MAST4: variants seen among roughly 807,000 people sequenced by gnomAD.
MAST4 encodes the protein microtubule associated serine/threonine kinase family member 4.
In MAST4, 89 loss-of-function variants were observed where a neutral mutation model predicts 162.7. That is an observed-to-expected ratio of 0.55 (90% confidence interval 0.46 to 0.65). The LOEUF is 0.65. Ranked by LOEUF, MAST4 falls within the 30% of genes least tolerant of loss-of-function variation. The probability of loss-of-function intolerance (pLI) is 0.00; values close to 1 mark genes in which losing one functional copy is unlikely to be tolerated. For missense variants in MAST4, 3,153 were observed against 3,374.0 expected, an observed-to-expected ratio of 0.93 and a Z score of 1.62; for synonymous variants, 1,479 against 1,361.1, an observed-to-expected ratio of 1.09 and a Z score of -1.91.
chr5:66,992,311 C>A (rs910288924), intron 4 of MAST4, among the ~76,000 whole-genome samples: 1 of 152,148 alleles, frequency 6.6e-6, no homozygotes, highest in African/African-American at 2.4e-5. Context: ...GAGATAGTGT[C>A]TATATCAAGA....
intron 2 of MAST4, among the ~76,000 whole-genome samples, chr5:66,762,993 A>G (rs1328243453): frequency 6.6e-6 from 1 of 152,226 alleles, no homozygotes; most frequent in Non-Finnish European, 1.5e-5. Flanking sequence ...TTAGGGAATT[A>G]TATTTACTGG....
At chr5:67,090,936 C>T (rs1054424041) in intron 6 of MAST4, among the ~76,000 whole-genome samples, 2 of 152,028 alleles carry the variant, frequency 1.3e-5, no homozygotes, top group African/African-American at 2.4e-5. Context: ...ATCCCTCTCA[C>T]ATGCATAGCT....
intron 3 of MAST4, among the ~76,000 whole-genome samples, chr5:66,835,316 G>T (rs1381824892): frequency 6.6e-6 from 1 of 152,120 alleles, no homozygotes; most frequent in Non-Finnish European, 1.5e-5. Context: ...TGAGAGCTGT[G>T]ACCTATCCTG....
intron 3 of MAST4, among the ~76,000 whole-genome samples, chr5:66,845,261 C>T (rs1161112060): frequency 6.6e-6 from 1 of 151,530 alleles, no homozygotes; most frequent in Non-Finnish European, 1.5e-5. Flanking sequence ...AATGCTATCC[C>T]TCACCCATCC....
chr5:67,168,358 G>A lies in MAST4; in HGVS notation c.*1307G>A, dbSNP rs1774277260. The A allele has an allele frequency of 6.6e-6, 1 of 152,098 alleles. No homozygotes were observed. Among genetic ancestry groups the A allele is most frequent in the Admixed American group, 6.6e-5 (1 of 15,260 alleles). The allele number at this position is 152,098 out of a possible 1,614,324, so 9.4% of individuals were successfully genotyped here. On this transcript the variant is annotated 3_prime_UTR_variant, in exon 29 of 29. Transcript: ENST00000403625. Reference sequence around the variant, plus strand: ...AAAAATACTGTCTTAATACAGAGCAGCATTTTTGTAACAAAGAGACTCGCT... The same window carrying A: ...AAAAATACTGTCTTAATACAGAGCAACATTTTTGTAACAAAGAGACTCGCT...
At chr5:66,879,398 T>C (rs1444081270) in intron 3 of MAST4, among the ~76,000 whole-genome samples, 1 of 151,948 alleles carries the variant, frequency 6.6e-6, no homozygotes, top group East Asian at 1.9e-4. Context: ...AAATTACCTA[T>C]TGGGTTGGCA....
At chr5:66,817,290 G>A (rs1312711740) in intron 3 of MAST4, among the ~76,000 whole-genome samples, 1 of 152,168 alleles carries the variant, frequency 6.6e-6, no homozygotes. Context: ...ATGTACTTCT[G>A]ACTCAGGGCA....
At chr5:67,005,011 CA>C (rs1234309150) in intron 4 of MAST4, 2 of 774,248 alleles carry the variant, frequency 2.6e-6, no homozygotes, top group East Asian at 2.4e-5. Context: ...TGTCTGACCC[CA>C]ATTTTTGGAC....
intron 5 of MAST4, among the ~76,000 whole-genome samples, chr5:67,080,770 G>T (rs1028706510): frequency 2.0e-5 from 3 of 150,474 alleles, no homozygotes; most frequent in African/African-American, 7.3e-5. Flanking sequence ...CGTATAATAG[G>T]CATTCTGCCT....
intron 4 of MAST4, among the ~76,000 whole-genome samples, chr5:66,925,225 C>T (rs1764810992): frequency 6.6e-6 from 1 of 152,144 alleles, no homozygotes; most frequent in Non-Finnish European, 1.5e-5. Flanking sequence ...TTTGCTGCAT[C>T]TTGAAACAGA....
At chr5:66,717,914 CG>C (rs1480375531) in intron 1 of MAST4, among the ~76,000 whole-genome samples, 2 of 152,154 alleles carry the variant, frequency 1.3e-5, no homozygotes, top group East Asian at 3.9e-4. Context: ...GGAAGGAGGC[CG>C]TGGGACCGCT....
chr5:66,815,211 ACTT>A (rs1469987018), intron 3 of MAST4, among the ~76,000 whole-genome samples: 2 of 152,242 alleles, frequency 1.3e-5, no homozygotes, highest in African/African-American at 4.8e-5. Context: ...GTTTAAAAAT[ACTT>A]CTTTAGAAGC....
chr5:66,952,240 T>A (rs1343951071), intron 4 of MAST4, among the ~76,000 whole-genome samples: 2 of 152,142 alleles, frequency 1.3e-5, no homozygotes, highest in Non-Finnish European at 2.9e-5. Context: ...GTTTCCACCC[T>A]GATCTTTTCT....
intron 1 of MAST4, among the ~76,000 whole-genome samples, chr5:66,615,610 T>G (rs530578168): frequency 2.0e-5 from 3 of 150,396 alleles, no homozygotes; most frequent in African/African-American, 7.4e-5. Context: ...AGGCCAGGAG[T>G]TCAAGACCAG....
At chr5:67,091,126 G>A (rs765564128) in intron 6 of MAST4, among the ~76,000 whole-genome samples, 2 of 152,000 alleles carry the variant, frequency 1.3e-5, no homozygotes, top group African/African-American at 2.4e-5. Context: ...AGACATATAG[G>A]TAGGTTAAAA....
chr5:66,935,674 C>CTT (rs113432423), intron 4 of MAST4, among the ~76,000 whole-genome samples: 1,483 of 132,642 alleles, frequency 0.011, 24 homozygotes, highest in African/African-American at 0.036. Flanking sequence ...TTCTTTCTTT[C>CTT]TTTTTTTTTT....
rs898186565 is a variant in MAST4, at chr5:67,165,227, C to G, written c.6048C>G (p.Leu2016=). The G allele has an allele frequency of 6.2e-7, 1 of 1,612,158 alleles. No individual in the cohort carries two copies. Among genetic ancestry groups the G allele is most frequent in the African/African-American group, 1.3e-5 (1 of 74,924 alleles). ...AKTSDNSKNL[L]SVGRTHPDFY... ...CCAGTGACAACTCCAAAAATCTCCT[C>G]TCTGTGGGAAGGACCCACCCAGATT... Residue 2016 remains leucine, a synonymous_variant, in exon 29 of 29, where the codon CTC becomes CTG. Transcript: ENST00000403625.
intron 8 of MAST4, among the ~76,000 whole-genome samples, chr5:67,101,981 T>TATA (rs1251629568): frequency 6.6e-6 from 1 of 150,450 alleles, no homozygotes; most frequent in Non-Finnish European, 1.5e-5. Context: ...CTCTGTTTCA[T>TATA]ATAATACATA....
chr5:66,750,802 A>C (rs547042890), intron 1 of MAST4, among the ~76,000 whole-genome samples: 6 of 152,232 alleles, frequency 3.9e-5, no homozygotes, highest in African/African-American at 1.4e-4. Context: ...CCACAGCTCA[A>C]GGAGGCCTGC....
Sources: allele counts gnomAD v4.1 joint callset (sites outside exome capture counted in the v4.1 genomes callset), GRCh38; gene constraint gnomAD v4.1.1; transcripts MANE v1.5; gene names NCBI Gene and HGNC (gene_info 2026-07-23, HGNC 2026-07-21).